Variants in FBXO34 observed in about 807,000 individuals in gnomAD.
FBXO34 encodes F-box only protein 34.
Under a neutral mutation model 24.5 loss-of-function variants are expected in FBXO34, and 12 were observed. That is an observed-to-expected ratio of 0.49 (90% confidence interval 0.31 to 0.79). The LOEUF (loss-of-function observed/expected upper bound fraction) is 0.79, where lower values mean the gene tolerates loss of function less well. Among genes scored for constraint, FBXO34 ranks in the 30% least tolerant of loss-of-function variants. The pLI is 0.04. For synonymous variants in FBXO34, 320 were observed against 311.9 expected (o/e 1.03, Z -0.27); for missense variants, 823 against 857.7 (o/e 0.96, Z 0.51).
At chr14:55,301,500 A>G (rs1441644553) in intron 1 of FBXO34, among the ~76,000 whole-genome samples, 1 of 152,062 alleles carries the variant, frequency 6.6e-6, no homozygotes, top group Non-Finnish European at 1.5e-5. Flanking sequence ...TGTTAGGTTT[A>G]TTTTCTTAAA....
the FBXO34 span, among the ~76,000 whole-genome samples, chr14:55,411,270 G>C: frequency 1.3e-5 from 2 of 152,228 alleles, no homozygotes; most frequent in Non-Finnish European, 2.9e-5. Flanking sequence ...AGTACATACA[G>C]CAAAGAGCTG....
At position 55,351,400 on chromosome 14, in the gene FBXO34, A is replaced by C. The variant is rs1884366134; in HGVS notation, c.1010A>C (p.Asp337Ala). 6.2e-7 allele frequency: 1 copy of C among 1,614,020 alleles called. No homozygotes were observed. Among genetic ancestry groups the C allele is most frequent in the South Asian group, 1.1e-5 (1 of 91,082 alleles). ...KTKKGVLEAP[D>A]TQVNPVGSVS... The stretch of plus-strand genomic sequence containing the variant: ...AAGAAAGGCGTCTTGGAGGCACCTG[A>C]CACTCAGGTGAATCCTGTGGGGTCT... The change falls in exon 2 of 2, where the codon GAC becomes GCC. Residue 337 changes from aspartate (D) to alanine (A), a missense_variant. Asp to Ala is a moderately radical substitution (Grantham distance 126). Around this residue, in one of 2 missense-constraint regions of FBXO34, gnomAD observed 693 missense variants for 659.1 expected, o/e 1.05. Transcript: ENST00000313833.
intron 1 of FBXO34, among the ~76,000 whole-genome samples, chr14:55,331,656 ACCAACATGGTGTGTG>A (rs1883541432): frequency 5.6e-5 from 6 of 107,748 alleles, no homozygotes; most frequent in East Asian, 2.6e-4. Context: ...ATATATATAT[ACCAACATGGTGTGTG>A]TATATATATA....
chr14:55,286,039 T>C (rs1267549660), intron 1 of FBXO34, among the ~76,000 whole-genome samples: 1 of 152,246 alleles, frequency 6.6e-6, no homozygotes, highest in Admixed American at 6.5e-5. Flanking sequence ...TTTATACTGC[T>C]TATTTAGTAT....
In FBXO34 at chr14:55,295,388, T is replaced by A. The variant is rs942238409; in HGVS notation, c.-11+23851T>A. On this transcript the variant is annotated intron_variant, in intron 1 of 1. Coordinates refer to ENST00000313833, the MANE Select transcript of FBXO34 (RefSeq NM_017943.4). Reference sequence around the variant, plus strand: ...TCTATGAGGTAAATATTCTTTTCTATTTTTTTTTTTTTTTTTTTTTTTGGA... The same window carrying A: ...TCTATGAGGTAAATATTCTTTTCTAATTTTTTTTTTTTTTTTTTTTTTGGA... Among the ~76,000 whole-genome samples the A allele has an allele frequency of 1.3e-3, 48 of 36,076 alleles. No individual in the cohort carries two copies. In the African/African-American group the frequency reaches 0.014, roughly 10 times the overall value. 23.7% of individuals were successfully genotyped at this position (36,076 alleles called of 152,430 possible).
the FBXO34 span, among the ~76,000 whole-genome samples, chr14:55,432,850 T>C: frequency 7.7e-4 from 118 of 152,314 alleles, no homozygotes; most frequent in African/African-American, 2.7e-3. Flanking sequence ...AACACAGGGC[T>C]TCCTCTGCGT....
At chr14:55,342,622 A>C (rs1028819838) in intron 1 of FBXO34, among the ~76,000 whole-genome samples, 6 of 152,144 alleles carry the variant, frequency 3.9e-5, no homozygotes, top group African/African-American at 1.4e-4. Flanking sequence ...TGGAGGGGGA[A>C]GTCTTTTCTT....
chr14:55,281,258 A>G (rs1320583589), intron 1 of FBXO34, among the ~76,000 whole-genome samples: 3 of 148,358 alleles, frequency 2.0e-5, no homozygotes, highest in African/African-American at 7.6e-5. Flanking sequence ...GACTCCTTAA[A>G]AAAAAAAAAA....
chr14:55,288,513 T>C lies in FBXO34; in HGVS notation c.-11+16976T>C, dbSNP rs147714141. Among the ~76,000 whole-genome samples, 1,317 of 152,290 alleles carry C rather than the reference T, an allele frequency of 8.6e-3. 14 individuals carry two copies. Among genetic ancestry groups the C allele is most frequent in the Middle Eastern group, 0.02 (6 of 294 alleles). On this transcript the variant is annotated intron_variant, in intron 1 of 1. Coordinates refer to ENST00000313833, the MANE Select transcript of FBXO34 (RefSeq NM_017943.4). ...TTTATATTCACATATTTTAAAATAG[T>C]GTTGAAAAGAAAACCACGTACGGCC...
At chr14:55,436,922 A>G in the FBXO34 span, 37 of 1,614,116 alleles carry the variant, frequency 2.3e-5, no homozygotes, top group Non-Finnish European at 2.9e-5. Flanking sequence ...TCAGGGTTCG[A>G]ATTAAATGCA....
intron 1 of FBXO34, among the ~76,000 whole-genome samples, chr14:55,338,499 C>T (rs1883871225): frequency 6.6e-6 from 1 of 152,108 alleles, no homozygotes; most frequent in Non-Finnish European, 1.5e-5. Flanking sequence ...GTACCTGGCA[C>T]ATAGTAAACA....
At chr14:55,434,280 T>C in the FBXO34 span, among the ~76,000 whole-genome samples, 2 of 152,148 alleles carry the variant, frequency 1.3e-5, no homozygotes, top group African/African-American at 2.4e-5. Context: ...TTGCCTCTTA[T>C]AGTTCTCAAA....
chr14:55,425,642 A>G, the FBXO34 span, among the ~76,000 whole-genome samples: 2 of 152,154 alleles, frequency 1.3e-5, no homozygotes, highest in East Asian at 1.9e-4. Flanking sequence ...ACACCTGCCA[A>G]TTTCTTGGCC....
chr14:55,380,406 C>T, the FBXO34 span, among the ~76,000 whole-genome samples: 6 of 152,120 alleles, frequency 3.9e-5, no homozygotes, highest in Non-Finnish European at 5.9e-5. Flanking sequence ...GATAATGAAA[C>T]GAATCTGCAC....
chr14:55,367,464 C>A (rs922955698), exon 3 of FBXO34: 1 of 152,142 alleles, frequency 6.6e-6, no homozygotes, highest in Non-Finnish European at 1.5e-5. Context: ...CATAAGGGGC[C>A]GGGCGCGGTG....
intron 1 of FBXO34, among the ~76,000 whole-genome samples, chr14:55,292,662 C>T (rs1881981196): frequency 6.6e-6 from 1 of 151,966 alleles, no homozygotes; most frequent in Admixed American, 6.6e-5. Context: ...CCTGTACTTA[C>T]TTTTAAAGTA....
intron 1 of FBXO34, among the ~76,000 whole-genome samples, chr14:55,309,394 C>T (rs1405417191): frequency 6.6e-6 from 1 of 152,108 alleles, no homozygotes; most frequent in Non-Finnish European, 1.5e-5. Context: ...TCCTCTAGTA[C>T]TGAGCAAGCT....
the FBXO34 span, among the ~76,000 whole-genome samples, chr14:55,428,106 T>TCA: frequency 5.8e-5 from 8 of 138,856 alleles, no homozygotes; most frequent in Non-Finnish European, 9.2e-5. Flanking sequence ...CTAGTCCATT[T>TCA]CACATGCCTT....
chr14:55,399,104 C>T, the FBXO34 span, among the ~76,000 whole-genome samples: 3 of 152,246 alleles, frequency 2.0e-5, no homozygotes, highest in Middle Eastern at 3.4e-3. Flanking sequence ...TGGAAACATA[C>T]CCCAAGATGT....
Sources: allele counts gnomAD v4.1 joint callset (sites outside exome capture counted in the v4.1 genomes callset), GRCh38; gene constraint gnomAD v4.1.1; regional missense constraint gnomAD v4.1.1; transcripts MANE v1.5; gene names NCBI Gene and HGNC (gene_info 2026-07-23, HGNC 2026-07-21).